The following GALNTL6 variants were observed in gnomAD, a reference collection of about 807,000 sequenced individuals.
GALNTL6 encodes the protein polypeptide N-acetylgalactosaminyltransferase like 6.
A neutral mutation model predicts 73.7 loss-of-function variants in GALNTL6; 46 were observed. The observed-to-expected ratio is 0.62, with a 90% CI of 0.49 to 0.80. The LOEUF is 0.80. Ranked by LOEUF, GALNTL6 falls within the 30% of genes least tolerant of loss-of-function variation. The pLI, the probability that GALNTL6 is intolerant of heterozygous loss-of-function variation, is 0.00. For missense variants in GALNTL6, 604 were observed against 755.0 expected, an observed-to-expected ratio of 0.80 and a Z score of 2.34; for synonymous variants, 259 against 263.7, an observed-to-expected ratio of 0.98 and a Z score of 0.17.
intron 7 of GALNTL6, among the ~76,000 whole-genome samples, chr4:172,874,968 G>C (rs1745117851): frequency 6.6e-6 from 1 of 152,202 alleles, no homozygotes; most frequent in African/African-American, 2.4e-5. Flanking sequence ...AGCAGGGTCT[G>C]ACCATGGCTG....
chr4:172,750,443 C>A (rs1035013401), intron 5 of GALNTL6, among the ~76,000 whole-genome samples: 2 of 152,146 alleles, frequency 1.3e-5, no homozygotes, highest in East Asian at 1.9e-4. Flanking sequence ...TCAAATGATG[C>A]CAACATTATT....
At chr4:172,108,806 G>A (rs1732763266) in intron 2 of GALNTL6, among the ~76,000 whole-genome samples, 1 of 152,014 alleles carries the variant, frequency 6.6e-6, no homozygotes, top group Non-Finnish European at 1.5e-5. Context: ...GAGGTCAGGA[G>A]TTTGAGACCA....
chr4:172,059,533 T>C (rs1731130261), intron 2 of GALNTL6, among the ~76,000 whole-genome samples: 1 of 152,134 alleles, frequency 6.6e-6, no homozygotes, highest in South Asian at 2.1e-4. Context: ...CGTTGTCTAA[T>C]ATAAATATAT....
At chr4:171,837,930 G>A (rs945426828) in intron 2 of GALNTL6, among the ~76,000 whole-genome samples, 1 of 150,994 alleles carries the variant, frequency 6.6e-6, no homozygotes, top group South Asian at 2.1e-4. Context: ...ACATTACTAG[G>A]TTATGAAATG....
At chr4:173,032,972 G>T (rs775341750) in intron 12 of GALNTL6, among the ~76,000 whole-genome samples, 1 of 152,086 alleles carries the variant, frequency 6.6e-6, no homozygotes, top group African/African-American at 2.4e-5. Flanking sequence ...CACACCAAGG[G>T]GCTCTGTCAG....
chr4:172,249,837 C>T (rs1227603882), intron 3 of GALNTL6, among the ~76,000 whole-genome samples: 1 of 152,172 alleles, frequency 6.6e-6, no homozygotes, highest in Admixed American at 6.5e-5. Context: ...AACACCTGGA[C>T]ATCCAGGCAG....
At chr4:172,569,120 A>C (rs1736670938) in intron 5 of GALNTL6, among the ~76,000 whole-genome samples, 1 of 152,192 alleles carries the variant, frequency 6.6e-6, no homozygotes, top group Admixed American at 6.5e-5. Context: ...GACCAGTATA[A>C]CCGAAAACCC....
intron 5 of GALNTL6, among the ~76,000 whole-genome samples, chr4:172,624,463 CG>C (rs1044051837): frequency 1.3e-5 from 2 of 151,784 alleles, no homozygotes; most frequent in Admixed American, 1.3e-4. Context: ...GAGCAACCAG[CG>C]TACAGGTAGT....
chr4:171,902,872 C>T (rs1737142649), intron 2 of GALNTL6, among the ~76,000 whole-genome samples: 2 of 152,074 alleles, frequency 1.3e-5, no homozygotes. Context: ...GAAATAATTG[C>T]TTCTAGTACC....
intron 5 of GALNTL6, among the ~76,000 whole-genome samples, chr4:172,354,106 A>G (rs1742065482): frequency 6.6e-6 from 1 of 152,146 alleles, no homozygotes; most frequent in African/African-American, 2.4e-5. Flanking sequence ...AAGTGCATTT[A>G]AAGATTCTGA....
At chr4:172,671,161 A>T (rs1162813568) in intron 5 of GALNTL6, among the ~76,000 whole-genome samples, 1 of 152,126 alleles carries the variant, frequency 6.6e-6, no homozygotes, top group Non-Finnish European at 1.5e-5. Context: ...ATGAATTTCA[A>T]AATAGTTTTT....
intron 2 of GALNTL6, among the ~76,000 whole-genome samples, chr4:172,034,798 C>T (rs1741885870): frequency 6.6e-6 from 1 of 152,074 alleles, no homozygotes; most frequent in Admixed American, 6.6e-5. Context: ...ATTTGGGGTA[C>T]ATTGCCTTAG....
At chr4:172,670,838 G>A (rs1162521955) in intron 5 of GALNTL6, among the ~76,000 whole-genome samples, 1 of 152,116 alleles carries the variant, frequency 6.6e-6, no homozygotes, top group Non-Finnish European at 1.5e-5. Flanking sequence ...CTGGTGTAAG[G>A]AAGGGGTCTA....
intron 2 of GALNTL6, among the ~76,000 whole-genome samples, chr4:171,841,995 T>C (rs1735250357): frequency 6.6e-6 from 1 of 152,122 alleles, no homozygotes; most frequent in Admixed American, 6.6e-5. Flanking sequence ...ATTATGTTTC[T>C]TTTTTATTAT....
intron 3 of GALNTL6, among the ~76,000 whole-genome samples, chr4:172,253,057 T>C (rs908641808): frequency 5.9e-5 from 9 of 152,010 alleles, no homozygotes; most frequent in African/African-American, 2.2e-4. Flanking sequence ...CTTTGTATGA[T>C]CATAAAAGTC....
intron 2 of GALNTL6, among the ~76,000 whole-genome samples, chr4:171,828,995 A>G (rs1047071595): frequency 6.6e-6 from 1 of 152,200 alleles, no homozygotes; most frequent in African/African-American, 2.4e-5. Flanking sequence ...AATAGAGTAT[A>G]TAATGCACAT....
At chr4:172,342,489 T>C (rs1044040162) in intron 4 of GALNTL6, among the ~76,000 whole-genome samples, 1 of 152,176 alleles carries the variant, frequency 6.6e-6, no homozygotes, top group African/African-American at 2.4e-5. Flanking sequence ...GCCTTTCCAA[T>C]TAGATTGTAA....
intron 8 of GALNTL6, among the ~76,000 whole-genome samples, chr4:172,914,283 A>G (rs1579646975): frequency 1.3e-5 from 2 of 152,356 alleles, no homozygotes; most frequent in African/African-American, 4.8e-5. Flanking sequence ...GGTACCAGCC[A>G]CTTCATAAAC....
chr4:172,845,309 T>C (rs1469280927), intron 7 of GALNTL6, among the ~76,000 whole-genome samples: 1 of 152,022 alleles, frequency 6.6e-6, no homozygotes, highest in East Asian at 1.9e-4. Flanking sequence ...AAAAAACTCC[T>C]ATTTCCTGGG....
Sources: allele counts gnomAD v4.1 joint callset (sites outside exome capture counted in the v4.1 genomes callset), GRCh38; gene constraint gnomAD v4.1.1; transcripts MANE v1.5; gene names NCBI Gene and HGNC (gene_info 2026-07-23, HGNC 2026-07-21).